OSBP2: variants seen among roughly 807,000 people sequenced by gnomAD.
OSBP2 encodes the protein oxysterol-binding protein 2.
Under a neutral mutation model 96.0 loss-of-function variants are expected in OSBP2, and 66 were observed. The ratio of observed to expected loss-of-function variants is 0.69; its 90% confidence interval spans 0.56 to 0.84. The LOEUF is 0.84. Ranked by LOEUF, OSBP2 falls within the 40% of genes least tolerant of loss-of-function variation. The probability of loss-of-function intolerance (pLI) is 0.00; values close to 1 mark genes in which losing one functional copy is unlikely to be tolerated. For missense variants in OSBP2, 1,038 were observed against 1,222.7 expected (o/e 0.85, Z 2.25); for synonymous variants, 525 against 520.9 (o/e 1.01, Z -0.11).
intron 1 of OSBP2, among the ~76,000 whole-genome samples, chr22:30,698,642 A>G (rs2089098343): frequency 6.6e-6 from 1 of 151,700 alleles, no homozygotes; most frequent in Non-Finnish European, 1.5e-5. Context: ...GTTTCACCAT[A>G]TTGGCCGGGA....
chr22:30,735,661 A>G (rs547014143), intron 1 of OSBP2, among the ~76,000 whole-genome samples: 1 of 151,942 alleles, frequency 6.6e-6, no homozygotes, highest in Admixed American at 6.6e-5. Context: ...TCCTAAACCT[A>G]TTTATATTAA....
At chr22:30,788,058 C>T (rs926997918) in intron 2 of OSBP2, among the ~76,000 whole-genome samples, 8 of 152,240 alleles carry the variant, frequency 5.3e-5, no homozygotes, top group African/African-American at 1.9e-4. Context: ...TGTCATTTAC[C>T]AGCCATGTAA....
chr22:30,807,510 C>G (rs1021061020), intron 2 of OSBP2, among the ~76,000 whole-genome samples: 2 of 152,220 alleles, frequency 1.3e-5, no homozygotes, highest in Admixed American at 6.5e-5. Context: ...CCCTGGCCCA[C>G]TACCACCTCC....
At chr22:30,853,615 G>C (rs61049226) in intron 2 of OSBP2, among the ~76,000 whole-genome samples, 38,739 of 151,808 alleles carry the variant, frequency 0.26, 5,430 homozygotes, top group African/African-American at 0.37. Flanking sequence ...ACTTTTAATT[G>C]AAGTGCTGAG....
Position 30,794,855 on chromosome 22 carries a change from G to T in OSBP2, c.853+53486G>T, listed in dbSNP as rs541569999. On this transcript the variant is annotated intron_variant, in intron 2 of 13. Coordinates refer to ENST00000332585, the MANE Select transcript of OSBP2 (RefSeq NM_030758.4). Reference sequence around the variant, plus strand: ...GTTATTTTATGTTTTATTCATACATGTATACATTCCACAAAGCATAATTGT... The same window carrying T: ...GTTATTTTATGTTTTATTCATACATTTATACATTCCACAAAGCATAATTGT... Among the ~76,000 whole-genome samples the T allele has an allele frequency of 3.3e-5, 5 of 150,536 alleles. No homozygotes were observed. In the South Asian group the frequency reaches 1.1e-3, roughly 32 times the overall value.
At chr22:30,768,615 T>G (rs532690915) in intron 2 of OSBP2, among the ~76,000 whole-genome samples, 20 of 151,806 alleles carry the variant, frequency 1.3e-4, no homozygotes, top group African/African-American at 3.6e-4. Flanking sequence ...AGGCCCAGAT[T>G]GCAGTGAGCC....
At chr22:30,793,368 A>T (rs1263416566) in intron 2 of OSBP2, among the ~76,000 whole-genome samples, 1 of 151,520 alleles carries the variant, frequency 6.6e-6, no homozygotes, top group Non-Finnish European at 1.5e-5. Context: ...CCAGCCTGGG[A>T]AAAAAGAGGA....
intron 3 of OSBP2, among the ~76,000 whole-genome samples, chr22:30,883,324 T>A (rs1314668695): frequency 6.6e-6 from 1 of 152,250 alleles, no homozygotes; most frequent in Admixed American, 6.5e-5. Context: ...CTGTTCACCC[T>A]GTACTGACCC....
intron 2 of OSBP2, among the ~76,000 whole-genome samples, chr22:30,813,346 G>T (rs2091036963): frequency 6.6e-6 from 1 of 151,738 alleles, no homozygotes; most frequent in African/African-American, 2.4e-5. Flanking sequence ...ACTAATTTTT[G>T]TATTTTTAGT....
chr22:30,709,745 C>T (rs1040052236), intron 1 of OSBP2, among the ~76,000 whole-genome samples: 1 of 151,948 alleles, frequency 6.6e-6, no homozygotes, highest in African/African-American at 2.4e-5. Flanking sequence ...CTGTGTCACC[C>T]AGGCTGGTTT....
chr22:30,730,716 GTCTCTCTCTC>G (rs1191165719), intron 1 of OSBP2, among the ~76,000 whole-genome samples: 328 of 19,892 alleles, frequency 0.016, 3 homozygotes, highest in South Asian at 0.03. Context: ...TCGCTGCCCT[GTCTCTCTCTC>G]TCTCTCTCTC....
intron 2 of OSBP2, among the ~76,000 whole-genome samples, chr22:30,746,485 CTTTTTTTTTTT>C (rs34500140): frequency 2.0e-5 from 2 of 101,530 alleles, no homozygotes; most frequent in Admixed American, 2.5e-4. Flanking sequence ...GGATGAAACA[CTTTTTTTTTTT>C]TTTTTTTTTT....
upstream of OSBP2, chr22:30,694,301 T>C: frequency 1.9e-6 from 3 of 1,549,390 alleles, no homozygotes; most frequent in Non-Finnish European, 2.6e-6. Flanking sequence ...GGCGGCCACT[T>C]GGGGCCACCG....
upstream of OSBP2, chr22:30,694,207 G>C (rs1569084434): frequency 3.9e-6 from 6 of 1,549,834 alleles, no homozygotes; most frequent in Non-Finnish European, 5.2e-6. Flanking sequence ...TATTTGTTTA[G>C]AGAACCCGAA....
chr22:30,877,234 C>T (rs992429610), intron 3 of OSBP2, among the ~76,000 whole-genome samples: 5 of 152,022 alleles, frequency 3.3e-5, no homozygotes, highest in African/African-American at 9.7e-5. Context: ...GGCAAAATTC[C>T]CTAGTGGGTA....
At chr22:30,743,042 G>C (rs1342148800) in intron 2 of OSBP2, among the ~76,000 whole-genome samples, 1 of 152,196 alleles carries the variant, frequency 6.6e-6, no homozygotes, top group East Asian at 1.9e-4. Context: ...GTCTACACAT[G>C]CAACAGTGAT....
chr22:30,735,634 TTCTTTA>T (rs555424147), intron 1 of OSBP2, among the ~76,000 whole-genome samples: 36 of 152,186 alleles, frequency 2.4e-4, no homozygotes, highest in Admixed American at 2.2e-3. Context: ...ACTGATGTTA[TTCTTTA>T]TCTTTGAGAA....
chr22:30,773,956 C>A (rs577528961), intron 2 of OSBP2, among the ~76,000 whole-genome samples: 4 of 152,138 alleles, frequency 2.6e-5, no homozygotes, highest in Non-Finnish European at 5.9e-5. Flanking sequence ...TTGTGTGAAG[C>A]GCAGTGGGGG....
chr22:30,877,072 C>G (rs2039598768), intron 3 of OSBP2, among the ~76,000 whole-genome samples: 1 of 152,064 alleles, frequency 6.6e-6, no homozygotes, highest in African/African-American at 2.4e-5. Flanking sequence ...GGGCAGGACG[C>G]AGTATCTCTC....
Sources: gnomAD v4.1 joint callset for allele counts (sites outside exome capture counted in the v4.1 genomes callset) on GRCh38, gnomAD v4.1.1 for gene constraint, MANE v1.5 for transcripts, NCBI Gene and HGNC (gene_info 2026-07-23, HGNC 2026-07-21) for gene names.